The following CLNK variants were observed in gnomAD, a reference collection of about 807,000 sequenced individuals.
CLNK encodes the protein cytokine dependent hematopoietic cell linker.
A neutral mutation model predicts 68.6 loss-of-function variants in CLNK; 74 were observed. The observed-to-expected ratio is 1.08, with a 90% CI of 0.89 to 1.31. The LOEUF (loss-of-function observed/expected upper bound fraction) is 1.31, where lower values mean the gene tolerates loss of function less well. CLNK is among the 50% of genes most tolerant of loss of function. The pLI is 0.00. For synonymous variants in CLNK, 198 were observed against 172.2 expected, an observed-to-expected ratio of 1.15 and a Z score of -1.17; for missense variants, 553 against 515.3, an observed-to-expected ratio of 1.07 and a Z score of -0.71.
chr4:10,710,865 A>G, the CLNK span, among the ~76,000 whole-genome samples: 1 of 152,154 alleles, frequency 6.6e-6, no homozygotes, highest in African/African-American at 2.4e-5. Flanking sequence ...TCACTCCTCC[A>G]TAAAAGACAA....
chr4:10,632,696 T>G (rs1469506298), intron 2 of CLNK, among the ~76,000 whole-genome samples: 1 of 152,262 alleles, frequency 6.6e-6, no homozygotes, highest in East Asian at 1.9e-4. Context: ...TCTTCAAGAA[T>G]GTTCTTACTA....
chr4:10,690,355 C>T, the CLNK span, among the ~76,000 whole-genome samples: 2 of 152,272 alleles, frequency 1.3e-5, no homozygotes, highest in African/African-American at 4.8e-5. Context: ...TTGAGGATAA[C>T]ACGGTTTCTG....
chr4:10,665,177 C>T (rs1016896816), intron 2 of CLNK, among the ~76,000 whole-genome samples: 3 of 152,202 alleles, frequency 2.0e-5, no homozygotes, highest in African/African-American at 7.2e-5. Flanking sequence ...TGTCCTCTGG[C>T]CTACGCATTG....
At chr4:10,666,548 T>G (rs1457239786) in intron 2 of CLNK, among the ~76,000 whole-genome samples, 3 of 152,196 alleles carry the variant, frequency 2.0e-5, no homozygotes, top group Admixed American at 2.0e-4. Context: ...AGACTTGAAT[T>G]CCAGCTCCAT....
chr4:10,686,069 T>C (rs1052943023), upstream of CLNK, among the ~76,000 whole-genome samples: 1 of 152,068 alleles, frequency 6.6e-6, no homozygotes, highest in Non-Finnish European at 1.5e-5. Context: ...CCTCTGGAAG[T>C]CTGAGATCAA....
intron 15 of CLNK, among the ~76,000 whole-genome samples, chr4:10,514,781 C>T (rs550926318): frequency 3.4e-4 from 51 of 151,516 alleles, no homozygotes; most frequent in Non-Finnish European, 5.9e-4. Context: ...AGCTTCTGCA[C>T]AGCAAAAGAA....
upstream of CLNK, among the ~76,000 whole-genome samples, chr4:10,688,903 A>C (rs1356155104): frequency 1.3e-5 from 2 of 152,080 alleles, no homozygotes; most frequent in African/African-American, 4.8e-5. Context: ...ACAAGAAAGA[A>C]AAAAATAGTA....
rs186445319 is a variant in CLNK at position 10,487,502 on chromosome 4, A to T, written c.*2965T>A. ...CAACACTGAAAACAGTGAATTCAGG[A>T]TGTTGCTGTGGCAGGCCAGAGGTGG... On this transcript the variant is annotated 3_prime_UTR_variant, in exon 19 of 19. Transcript: ENST00000226951. 6.6e-6 allele frequency: 1 copy of T among 152,188 alleles called. No homozygotes were observed. Among genetic ancestry groups the T allele is most frequent in the African/African-American group, 2.4e-5 (1 of 41,452 alleles). The allele number at this position is 152,188 out of a possible 1,614,324, so 9.4% of individuals were successfully genotyped here. A position where few individuals can be genotyped will look rare whatever the true frequency, so the allele number is the denominator to read the frequency against.
chr4:10,716,661 A>G, the CLNK span, among the ~76,000 whole-genome samples: 1 of 150,354 alleles, frequency 6.7e-6, no homozygotes, highest in Non-Finnish European at 1.5e-5. Context: ...GGAATAGGAA[A>G]GAGGCAGGCT....
chr4:10,555,289 T>C (rs954907807), intron 8 of CLNK, among the ~76,000 whole-genome samples: 1 of 152,184 alleles, frequency 6.6e-6, no homozygotes, highest in Non-Finnish European at 1.5e-5. Flanking sequence ...TCAAAGGAAA[T>C]TGGCTTAGAG....
At chr4:10,525,791 T>G in intron 14 of CLNK, 50 bp downstream of exon 14, 1 of 1,090,196 alleles carries the variant, frequency 9.2e-7, no homozygotes, top group Non-Finnish European at 1.4e-6. Flanking sequence ...AGACAGCACA[T>G]GGCCTGACCC....
At chr4:10,579,369 G>C (rs1720694835) in intron 4 of CLNK, among the ~76,000 whole-genome samples, 1 of 151,878 alleles carries the variant, frequency 6.6e-6, no homozygotes, top group South Asian at 2.1e-4. Context: ...TTGGGAAGAA[G>C]AAGAAAAGAG....
At chr4:10,657,214 A>G (rs1724022662) in intron 2 of CLNK, among the ~76,000 whole-genome samples, 1 of 152,216 alleles carries the variant, frequency 6.6e-6, no homozygotes, top group Non-Finnish European at 1.5e-5. Context: ...TTCTTTTGGC[A>G]GGAATCTCAA....
chr4:10,681,788 C>T (rs995152992), intron 1 of CLNK, among the ~76,000 whole-genome samples: 8 of 152,118 alleles, frequency 5.3e-5, no homozygotes, highest in Admixed American at 2.6e-4. Context: ...AGCAGGAGCT[C>T]GGGGCTCGGG....
At chr4:10,672,694 G>T (rs1338880935) in intron 1 of CLNK, among the ~76,000 whole-genome samples, 1 of 152,184 alleles carries the variant, frequency 6.6e-6, no homozygotes, top group African/African-American at 2.4e-5. Flanking sequence ...GTCCCAGAAA[G>T]TTTGATTCAA....
At chr4:10,666,921 C>A (rs943606906) in intron 2 of CLNK, among the ~76,000 whole-genome samples, 1 of 152,202 alleles carries the variant, frequency 6.6e-6, no homozygotes, top group Non-Finnish European at 1.5e-5. Flanking sequence ...GCTACTCTCT[C>A]TGTCTCTTGG....
intron 11 of CLNK, among the ~76,000 whole-genome samples, chr4:10,535,213 GAGAAAGAA>G (rs57053319): frequency 0.011 from 1,393 of 131,386 alleles, 21 homozygotes; most frequent in East Asian, 0.041. Context: ...AAGAAAGAAA[GAGAAAGAA>G]AGAAAGAAAG....
At chr4:10,705,780 G>C in the CLNK span, among the ~76,000 whole-genome samples, 1 of 152,294 alleles carries the variant, frequency 6.6e-6, no homozygotes, top group South Asian at 2.1e-4. Flanking sequence ...ATACATTTAT[G>C]GTCTCTTGGA....
At chr4:10,656,274 T>A (rs929128052) in intron 2 of CLNK, among the ~76,000 whole-genome samples, 2 of 135,464 alleles carry the variant, frequency 1.5e-5, no homozygotes, top group African/African-American at 5.6e-5. Flanking sequence ...ATGAGAAAAG[T>A]GTGCAGAATA....
Sources: gnomAD v4.1 joint callset for allele counts (sites outside exome capture counted in the v4.1 genomes callset) on GRCh38, gnomAD v4.1.1 for gene constraint, MANE v1.5 for transcripts, NCBI Gene and HGNC (gene_info 2026-07-23, HGNC 2026-07-21) for gene names.